Variants in COLGALT2 observed in about 807,000 individuals in gnomAD.
The protein encoded by COLGALT2 is procollagen galactosyltransferase 2.
A neutral mutation model predicts 73.4 loss-of-function variants in COLGALT2; 49 were observed. The observed-to-expected ratio is 0.67, with a 90% CI of 0.53 to 0.85. The LOEUF (loss-of-function observed/expected upper bound fraction) is 0.85. COLGALT2 is among the 40% of genes least tolerant of loss of function. The pLI, the probability that COLGALT2 is intolerant of heterozygous loss-of-function variation, is 0.00. For synonymous variants in COLGALT2, 295 were observed against 307.6 expected (o/e 0.96, Z 0.43); for missense variants, 722 against 790.2 (o/e 0.91, Z 1.03).
intron 1 of COLGALT2, among the ~76,000 whole-genome samples, chr1:183,985,171 T>A (rs972501182): frequency 1.4e-4 from 22 of 152,332 alleles, no homozygotes; most frequent in African/African-American, 5.3e-4. Flanking sequence ...TTGTTAGGGC[T>A]AAACTCATAT....
At position 183,973,618 on chromosome 1, in the gene COLGALT2, T is replaced by A; in HGVS notation, c.625A>T (p.Lys209Ter). The change falls in exon 4 of 12, where the codon AAG becomes TAG. Residue 209 changes from lysine to a stop codon, truncating the protein, a stop_gained and splice_region_variant. Coordinates refer to ENST00000361927, the MANE Select transcript of COLGALT2 (RefSeq NM_015101.4). LOFTEE classifies it high-confidence loss of function. ...ATTCATTTAAGCAAAAGACTTGCCT[T>A]AGGGGTGATTCCGCACCAGAAATTA... ...YSNFWCGITPKGFYKRTPDYV... is the reference protein window; with the variant it reads ...YSNFWCGITP 1 of 1,614,016 alleles carries A rather than the reference T, an allele frequency of 6.2e-7. No homozygotes were observed. Among genetic ancestry groups the A allele is most frequent in the Non-Finnish European group, 8.5e-7 (1 of 1,179,976 alleles).
chr1:184,026,809 G>A (rs182583256), intron 1 of COLGALT2, among the ~76,000 whole-genome samples: 1 of 152,314 alleles, frequency 6.6e-6, no homozygotes, highest in Admixed American at 6.5e-5. Context: ...TATAAGGACT[G>A]AAGTGGCTCA....
chr1:184,018,591 A>G (rs1216981407), intron 1 of COLGALT2, among the ~76,000 whole-genome samples: 1 of 152,214 alleles, frequency 6.6e-6, no homozygotes, highest in African/African-American at 2.4e-5. Context: ...ATTGCTAATA[A>G]AATCTAGGAA....
chr1:184,021,226 G>A (rs903142671), intron 1 of COLGALT2, among the ~76,000 whole-genome samples: 4 of 152,002 alleles, frequency 2.6e-5, no homozygotes, highest in Admixed American at 6.6e-5. Context: ...AACATTTAAA[G>A]GACTTGAAAA....
Position 183,973,622 on chromosome 1 carries a change from G to A in COLGALT2, c.621C>T (p.Thr207=). 1 of 1,613,956 alleles carries A rather than the reference G, an allele frequency of 6.2e-7. No individual in the cohort carries two copies. The change falls in exon 4 of 12, where the codon ACC becomes ACT. Residue 207 remains threonine (T), a synonymous_variant. Transcript: ENST00000361927. ...GLYSNFWCGI[T]PKGFYKRTPD... The stretch of plus-strand genomic sequence containing the variant: ...ATTTAAGCAAAAGACTTGCCTTAGG[G>A]GTGATTCCGCACCAGAAATTAGAAT...
intron 1 of COLGALT2, among the ~76,000 whole-genome samples, chr1:184,017,211 T>C (rs191494707): frequency 8.0e-4 from 122 of 152,356 alleles, no homozygotes; most frequent in African/African-American, 2.8e-3. Context: ...CTAATTCATG[T>C]GATTTTTATA....
chr1:183,976,941 A>G (rs1381734616), intron 2 of COLGALT2, among the ~76,000 whole-genome samples: 34 of 152,240 alleles, frequency 2.2e-4, no homozygotes, highest in Admixed American at 2.2e-3. Flanking sequence ...GGACCTGCAC[A>G]AGCAACAGTG....
intron 6 of COLGALT2, among the ~76,000 whole-genome samples, chr1:183,956,458 T>C (rs977969227): frequency 6.6e-5 from 10 of 152,136 alleles, no homozygotes; most frequent in Non-Finnish European, 1.2e-4. Flanking sequence ...TTAAAATCAA[T>C]AGGGAGGGTC....
chr1:183,935,100 C>T (rs1202846855), downstream of COLGALT2, among the ~76,000 whole-genome samples: 1 of 152,228 alleles, frequency 6.6e-6, no homozygotes, highest in Non-Finnish European at 1.5e-5. Flanking sequence ...GCCTGGACAG[C>T]ATCTCCACCC....
chr1:184,019,505 A>G (rs1649110030), intron 1 of COLGALT2, among the ~76,000 whole-genome samples: 2 of 152,236 alleles, frequency 1.3e-5, no homozygotes, highest in South Asian at 4.1e-4. Context: ...ATAAATATTC[A>G]ACTAAAGCAG....
intron 1 of COLGALT2, among the ~76,000 whole-genome samples, chr1:183,998,545 G>A (rs530621908): frequency 6.6e-4 from 100 of 152,188 alleles, no homozygotes; most frequent in African/African-American, 2.4e-3. Context: ...CTTTTTGAAT[G>A]ACTTGAGTAT....
chr1:183,959,794 T>G (rs1204919805), intron 6 of COLGALT2, among the ~76,000 whole-genome samples: 1 of 152,132 alleles, frequency 6.6e-6, no homozygotes, highest in African/African-American at 2.4e-5. Flanking sequence ...GGCCAGAATG[T>G]TCGGTGTGAT....
intron 4 of COLGALT2, among the ~76,000 whole-genome samples, chr1:183,971,175 C>G (rs2102814010): frequency 6.6e-6 from 1 of 152,260 alleles, no homozygotes; most frequent in East Asian, 1.9e-4. Context: ...AATTCCTGTT[C>G]ATTGGCCAGA....
rs773441027 is a variant in COLGALT2 at position 183,964,037 on chromosome 1, G to T, written c.833-17C>A. 1.9e-6 allele frequency: 3 copies of T among 1,611,672 alleles called. No homozygotes were observed. The South Asian group carries it at 3.3e-5, about 18-fold the overall frequency. On this transcript the variant is annotated splice_polypyrimidine_tract_variant and intron_variant, in intron 5 of 11. Coordinates refer to ENST00000361927, the MANE Select transcript of COLGALT2 (RefSeq NM_015101.4). ...TCTGGATGCCTGAGGATCCAAGAGA[G>T]GGACAAAGCCAACAATCAGAAAACA... is the stretch of plus-strand genomic sequence containing the variant.
intron 1 of COLGALT2, among the ~76,000 whole-genome samples, chr1:184,024,149 G>C (rs1649258131): frequency 6.6e-6 from 1 of 152,094 alleles, no homozygotes; most frequent in Non-Finnish European, 1.5e-5. Context: ...GCATGTGGTG[G>C]CTAGAAAAGT....
At chr1:183,958,962 G>A (rs139845695) in intron 6 of COLGALT2, among the ~76,000 whole-genome samples, 23 of 151,862 alleles carry the variant, frequency 1.5e-4, no homozygotes, top group African/African-American at 5.3e-4. Context: ...ATCCCATCAA[G>A]ATTCAGCTTT....
At position 184,037,147 on chromosome 1, in the gene COLGALT2, A is replaced by AGTGCGGCAGCGT. The variant is rs1254577149; in HGVS notation, c.199_210dup (p.Thr67_His70dup). 4.4e-6 allele frequency: 7 copies of AGTGCGGCAGCGT among 1,599,586 alleles called. No homozygotes were observed. In the Admixed American group the frequency reaches 6.8e-5, roughly 15 times the overall value. On this transcript the variant is annotated inframe_insertion, in exon 1 of 12. Coordinates refer to ENST00000361927, the MANE Select transcript of COLGALT2 (RefSeq NM_015101.4). ...TCCAGCCGCTCCAGGCAGCCGAGGA[A>AGTGCGGCAGCGT]GTGCGGCAGCGTGTGCGCCGCGTTG...
intron 7 of COLGALT2, among the ~76,000 whole-genome samples, chr1:183,954,269 A>C (rs1206940673): frequency 1.3e-5 from 1 of 74,242 alleles, no homozygotes; most frequent in East Asian, 6.2e-4. Flanking sequence ...TTTTAGAACA[A>C]ATATGTTTTT....
chr1:183,960,365 C>T (rs1164989953), intron 6 of COLGALT2, among the ~76,000 whole-genome samples: 2 of 152,192 alleles, frequency 1.3e-5, no homozygotes, highest in Non-Finnish European at 1.5e-5. Context: ...TACACTTGTA[C>T]CCAAGCTTAG....
Sources: allele counts gnomAD v4.1 joint callset (sites outside exome capture counted in the v4.1 genomes callset), GRCh38; gene constraint gnomAD v4.1.1; transcripts MANE v1.5; gene names NCBI Gene and HGNC (gene_info 2026-07-23, HGNC 2026-07-21).